The following THOC1 variants were observed in gnomAD, a reference collection of about 807,000 sequenced individuals.
THOC1 encodes THO complex subunit 1, also known as THO complex 1.
Under a neutral mutation model 97.3 loss-of-function variants are expected in THOC1, and 29 were observed. The ratio of observed to expected loss-of-function variants is 0.30; its 90% CI spans 0.22 to 0.41. THOC1 has a LOEUF of 0.41. Ranked by LOEUF, THOC1 falls within the 10% of genes least tolerant of loss-of-function variation. The pLI, the probability that THOC1 is intolerant of heterozygous loss-of-function variation, is 1.00. For missense variants in THOC1, 529 were observed against 761.9 expected (o/e 0.69, Z 3.60); for synonymous variants, 255 against 257.0 (o/e 0.99, Z 0.07).
chr18:225,261 CCTAT>C, intron 13 of THOC1, 72 bp downstream of exon 13: 1 of 1,569,122 alleles, frequency 6.4e-7, no homozygotes, highest in Non-Finnish European at 8.7e-7. Context: ...TCCTTATTTT[CCTAT>C]TTGGGGCTGA....
chr18:227,813 G>A (rs1270319234), intron 11 of THOC1, among the ~76,000 whole-genome samples: 1 of 152,104 alleles, frequency 6.6e-6, no homozygotes, highest in Non-Finnish European at 1.5e-5. Context: ...AAGCGTCGAA[G>A]ATTGGTTTTG....
intron 9 of THOC1, among the ~76,000 whole-genome samples, chr18:249,534 T>C (rs972281449): frequency 2.6e-5 from 4 of 151,906 alleles, no homozygotes; most frequent in Non-Finnish European, 5.9e-5. Flanking sequence ...TTGTGGTGCG[T>C]GCTTGTAGTC....
chr18:232,327 G>C (rs1911512464), intron 11 of THOC1, among the ~76,000 whole-genome samples: 1 of 151,974 alleles, frequency 6.6e-6, no homozygotes, highest in South Asian at 2.1e-4. Flanking sequence ...CAAACTCCTG[G>C]TTTCAAGCAA....
In THOC1 at chr18:214,830, G is replaced by A. The variant is rs367942551; in HGVS notation, c.1770C>T (p.Pro590=). 3 of 1,613,858 alleles carry A rather than the reference G, an allele frequency of 1.9e-6. No homozygotes were observed. The highest frequency in any genetic ancestry group is 2.5e-6 in the Non-Finnish European group (3 of 1,179,830). ...TTTCTGAGTCTTTCATTTCCAAGTA[G>A]GGAGCCAGAATCTTCCATTGTTCAC... is the stretch of plus-strand genomic sequence containing the variant. ...KLGEQWKILA[P]YLEMKDSEIR... The change falls in exon 21 of 21, where the codon CCC becomes CCT. Residue 590 remains proline (P), a synonymous_variant. Transcript: ENST00000261600.
At position 267,701 on chromosome 18, in the gene THOC1, G is replaced by A. The variant is rs182413703; in HGVS notation, c.54+265C>T. 4.6e-5 allele frequency among the ~76,000 whole-genome samples: 7 copies of A among 152,300 alleles called. No individual in the cohort carries two copies. The East Asian group carries it at 1.4e-3, about 30-fold the overall frequency. On this transcript the variant is annotated intron_variant, in intron 1 of 20. Transcript: ENST00000261600. ...CCAACCAGCAGTAGTCTGCAGGTGGGCACTCCAAGCGGGGAGCCGAGGCGC... is the reference window on the plus strand; with the variant it reads ...CCAACCAGCAGTAGTCTGCAGGTGGACACTCCAAGCGGGGAGCCGAGGCGC...
In THOC1 at chr18:254,556, T is replaced by C. The variant is rs1567855389; in HGVS notation, c.521-201A>G. ...TGGGCATACCTTGTTTTGTTGTTCT[T>C]CACAGTTTCTTGTTTTTTTAAATAA... On this transcript the variant is annotated intron_variant, in intron 7 of 20. Transcript: ENST00000261600. This position sits in a 1 kb window ranked among gnomAD's most constrained non-coding sequence, Gnocchi z 4.1. 6.8e-6 allele frequency among the ~76,000 whole-genome samples: 1 copy of C among 147,246 alleles called. No individual in the cohort carries two copies.
intron 11 of THOC1, 133 bp downstream of exon 11, chr18:246,191 T>A: frequency 9.5e-6 from 7 of 738,164 alleles, no homozygotes; most frequent in Non-Finnish European, 1.5e-5. Context: ...CAAACTAACA[T>A]TAATCAATCA....
chr18:249,449 G>A (rs907009081), intron 9 of THOC1, among the ~76,000 whole-genome samples: 4 of 152,002 alleles, frequency 2.6e-5, no homozygotes, highest in African/African-American at 7.2e-5. Context: ...GGCGGATCAC[G>A]AGGTCAGTTC....
intron 9 of THOC1, among the ~76,000 whole-genome samples, chr18:250,454 A>AC: frequency 6.6e-6 from 1 of 152,322 alleles, no homozygotes; most frequent in African/African-American, 2.4e-5. Context: ...CAAATCAGAG[A>AC]CCCAGTTACT....
intron 1 of THOC1, among the ~76,000 whole-genome samples, chr18:266,139 A>T (rs925950164): frequency 6.6e-6 from 1 of 152,212 alleles, no homozygotes; most frequent in Non-Finnish European, 1.5e-5. Flanking sequence ...CAATCTGTAG[A>T]TTGTTTTAAA....
chr18:233,542 C>T (rs200290925), intron 11 of THOC1, among the ~76,000 whole-genome samples: 71 of 152,308 alleles, frequency 4.7e-4, no homozygotes, highest in Middle Eastern at 3.4e-3. Context: ...GCCAAGATCG[C>T]GCCACTGCAC....
chr18:234,911 G>A (rs1911620613), intron 11 of THOC1, among the ~76,000 whole-genome samples: 1 of 152,010 alleles, frequency 6.6e-6, no homozygotes, highest in Non-Finnish European at 1.5e-5. Flanking sequence ...CTTACATAAT[G>A]AACTGGGGGG....
Position 265,346 on chromosome 18 carries a change from CA to C in THOC1, c.145del (p.Cys49ValfsTer11), listed in dbSNP as rs1912729808. ...QVPGSENEKK[C>X]TLDQAFRGIL... Reference sequence around the variant, plus strand: ...ACCTCTGAAAGCTTGGTCAAGGGTACATTTTTTTTCATTTTCACTATTAAAA... The same window carrying C: ...ACCTCTGAAAGCTTGGTCAAGGGTACTTTTTTTTCATTTTCACTATTAAAA... On this transcript the variant is annotated frameshift_variant, in exon 3 of 21. Coordinates refer to ENST00000261600, the MANE Select transcript of THOC1 (RefSeq NM_005131.3). LOFTEE classifies it high-confidence loss of function. 1 of 1,605,144 alleles carries C rather than the reference CA, an allele frequency of 6.2e-7. No homozygotes were observed. The highest frequency in any genetic ancestry group is 1.3e-5 in the African/African-American group (1 of 74,628).
intron 11 of THOC1, among the ~76,000 whole-genome samples, chr18:228,678 C>T (rs1468263478): frequency 6.6e-6 from 1 of 152,178 alleles, no homozygotes; most frequent in Admixed American, 6.5e-5. Flanking sequence ...TCCCATATTT[C>T]TTCTGTCATG....
intron 10 of THOC1, among the ~76,000 whole-genome samples, chr18:246,804 C>T (rs1027708256): frequency 6.6e-6 from 1 of 151,610 alleles, no homozygotes; most frequent in African/African-American, 2.4e-5. Flanking sequence ...TGGTGAAACC[C>T]CGTCTCGACT....
Position 253,252 on chromosome 18 carries a change from C to T in THOC1, c.604-640G>A, listed in dbSNP as rs563245746. Among the ~76,000 whole-genome samples the T allele has an allele frequency of 6.6e-5, 10 of 152,180 alleles. No individual in the cohort carries two copies. The East Asian group carries it at 1.2e-3, about 18-fold the overall frequency. ...ATATGGAATATGCATATATTTTAAC[C>T]CAGTAATTTTACTTACTGGAATTTA... On this transcript the variant is annotated intron_variant, in intron 8 of 20. Coordinates refer to ENST00000261600, the MANE Select transcript of THOC1 (RefSeq NM_005131.3).
chr18:235,835 A>T (rs939267764), intron 11 of THOC1, among the ~76,000 whole-genome samples: 1 of 152,128 alleles, frequency 6.6e-6, no homozygotes, highest in African/African-American at 2.4e-5. Flanking sequence ...TTTGTTCTAT[A>T]CTACACCAAG....
At chr18:218,088 C>A (rs1598285916) in intron 18 of THOC1, among the ~76,000 whole-genome samples, 1 of 152,200 alleles carries the variant, frequency 6.6e-6, no homozygotes, top group Non-Finnish European at 1.5e-5. Flanking sequence ...ATTAACAACT[C>A]TGGTCACAGG....
At position 221,606 on chromosome 18, in the gene THOC1, C is replaced by CTTTT. The variant is rs369952039; in HGVS notation, c.1370+1830_1370+1833dup. Among the ~76,000 whole-genome samples the CTTTT allele has an allele frequency of 5.8e-3, 643 of 110,900 alleles. 19 individuals are homozygous for CTTTT. The highest frequency in any genetic ancestry group is 0.02 in the African/African-American group (580 of 29,510). 72.8% of individuals were successfully genotyped at this position (110,900 alleles called of 152,430 possible). A position where few individuals can be genotyped will look rare whatever the true frequency, so the allele number is the denominator to read the frequency against. On this transcript the variant is annotated intron_variant, in intron 17 of 20. Transcript: ENST00000261600. ...ATTTCTTATAAACATATAGATGGAT[C>CTTTT]TTTTTTTTTTTTTTTTTTTTGAGAC...
Sources: gnomAD v4.1 joint callset for allele counts (sites outside exome capture counted in the v4.1 genomes callset) on GRCh38, gnomAD v4.1.1 for gene constraint, Gnocchi (gnomAD v3.1) non-coding constraint, MANE v1.5 for transcripts, NCBI Gene and HGNC (gene_info 2026-07-23, HGNC 2026-07-21) for gene names.